Variants in STAU2 observed in about 807,000 individuals in gnomAD.
STAU2 encodes double-stranded RNA-binding protein Staufen homolog 2.
STAU2 carries 20 observed loss-of-function variants against 65.9 expected under a neutral mutation model. The ratio of observed to expected loss-of-function variants is 0.30; its 90% CI spans 0.21 to 0.44. The LOEUF (loss-of-function observed/expected upper bound fraction) is 0.44, where lower values mean the gene tolerates loss of function less well. Ranked by LOEUF, STAU2 falls within the 20% of genes least tolerant of loss-of-function variation. The probability of loss-of-function intolerance (pLI) is 1.00; values close to 1 mark genes in which losing one functional copy is unlikely to be tolerated. For synonymous variants in STAU2, 232 were observed against 233.9 expected (o/e 0.99, Z 0.07); for missense variants, 558 against 683.9 (o/e 0.82, Z 2.05).
At chr8:73,707,751 T>G (rs953096959) in intron 4 of STAU2, among the ~76,000 whole-genome samples, 3 of 151,924 alleles carry the variant, frequency 2.0e-5, no homozygotes, top group Non-Finnish European at 4.4e-5. Context: ...ACAAGCTCAG[T>G]CTAGCACAAA....
chr8:73,599,794 C>G (rs1347326706), intron 10 of STAU2, among the ~76,000 whole-genome samples: 1 of 149,822 alleles, frequency 6.7e-6, no homozygotes, highest in Non-Finnish European at 1.5e-5. Context: ...GAGACGGAGT[C>G]TCGCTCTGTC....
Position 73,485,755 on chromosome 8 carries a change from G to A in STAU2, c.1531-63053C>T, listed in dbSNP as rs146866244. Among the ~76,000 whole-genome samples, 901 of 152,100 alleles carry A rather than the reference G, an allele frequency of 5.9e-3. 6 individuals are homozygous for A. Among genetic ancestry groups the A allele is most frequent in the African/African-American group, 0.02 (831 of 41,506 alleles). On this transcript the variant is annotated intron_variant, in intron 13 of 14. Coordinates refer to ENST00000524300, the MANE Select transcript of STAU2 (RefSeq NM_001164380.2). ...AGGCTGAGGCAGGAGGACTACTTGA[G>A]AGCAGGAGTTTGAGGCTATAGTGAG...
intron 13 of STAU2, among the ~76,000 whole-genome samples, chr8:73,456,215 C>T (rs1302133156): frequency 6.6e-6 from 1 of 152,074 alleles, no homozygotes; most frequent in East Asian, 1.9e-4. Flanking sequence ...ATAAATGTGC[C>T]GCAGGAGATT....
At chr8:73,693,783 T>C (rs1238435638) in intron 4 of STAU2, among the ~76,000 whole-genome samples, 1 of 152,242 alleles carries the variant, frequency 6.6e-6, no homozygotes, top group Non-Finnish European at 1.5e-5. Flanking sequence ...TGTACAACAC[T>C]GGGAAGTTAA....
chr8:73,679,573 G>C (rs1441998958), intron 5 of STAU2, among the ~76,000 whole-genome samples: 1 of 151,966 alleles, frequency 6.6e-6, no homozygotes, highest in Non-Finnish European at 1.5e-5. Context: ...TTAGAGAGCT[G>C]AGCGAAATAT....
intron 6 of STAU2, among the ~76,000 whole-genome samples, chr8:73,639,135 G>C (rs975353900): frequency 7.9e-5 from 12 of 151,902 alleles, no homozygotes; most frequent in Non-Finnish European, 1.6e-4. Flanking sequence ...TTAAATTGTA[G>C]TATCTTGTTT....
intron 13 of STAU2, among the ~76,000 whole-genome samples, chr8:73,515,680 G>A (rs1032722843): frequency 3.3e-5 from 5 of 151,806 alleles, no homozygotes; most frequent in South Asian, 2.1e-4. Flanking sequence ...TCTAGGTGAG[G>A]ATCCCAGCAA....
intron 1 of STAU2, among the ~76,000 whole-genome samples, chr8:73,744,560 G>A (rs1039389557): frequency 6.7e-6 from 1 of 149,954 alleles, no homozygotes; most frequent in East Asian, 1.9e-4. Flanking sequence ...TTTCTGGATT[G>A]TTTGTATATT....
intron 12 of STAU2, among the ~76,000 whole-genome samples, chr8:73,556,879 A>G (rs1472144685): frequency 2.0e-5 from 3 of 152,218 alleles, no homozygotes; most frequent in African/African-American, 7.2e-5. Context: ...GTCAAGACTG[A>G]TTAAACTGTA....
At chr8:73,575,105 C>T (rs1334873411) in intron 12 of STAU2, among the ~76,000 whole-genome samples, 2 of 136,818 alleles carry the variant, frequency 1.5e-5, no homozygotes, top group African/African-American at 5.6e-5. Flanking sequence ...TAAAGGCACA[C>T]AGATGCACAC....
intron 13 of STAU2, among the ~76,000 whole-genome samples, chr8:73,506,657 T>C (rs906593048): frequency 2.0e-5 from 3 of 152,164 alleles, no homozygotes; most frequent in African/African-American, 7.2e-5. Context: ...GGGGTGGCTA[T>C]GGTTAAGTTC....
intron 12 of STAU2, among the ~76,000 whole-genome samples, chr8:73,578,021 G>T (rs879485720): frequency 6.6e-6 from 1 of 151,574 alleles, no homozygotes; most frequent in African/African-American, 2.4e-5. Context: ...TAGCATTTAC[G>T]TATATAAATC....
At chr8:73,729,242 T>A (rs1415879797) in intron 3 of STAU2, among the ~76,000 whole-genome samples, 1 of 152,206 alleles carries the variant, frequency 6.6e-6, no homozygotes, top group Non-Finnish European at 1.5e-5. Flanking sequence ...ACCCTTGCAA[T>A]CCTGGGAATA....
intron 1 of STAU2, among the ~76,000 whole-genome samples, chr8:73,744,134 C>T (rs916704283): frequency 5.3e-5 from 8 of 151,906 alleles, no homozygotes; most frequent in Admixed American, 2.0e-4. Context: ...TATAATTTTT[C>T]CTGGAACAAA....
rs1812783394 is a variant in STAU2, at chr8:73,615,691, A to G, written c.662T>C (p.Met221Thr). The G allele has an allele frequency of 2.5e-6, 4 of 1,613,728 alleles. No individual in the cohort carries two copies. The highest frequency in any genetic ancestry group is 3.4e-6 in the Non-Finnish European group (4 of 1,179,764). The change falls in exon 8 of 15, where the codon ATG (methionine) becomes ACG (threonine). Residue 221 changes from methionine (M) to threonine (T), a missense_variant. Met to Thr is a moderately conservative substitution (Grantham distance 81). Transcript: ENST00000524300. ...AGTACATACCTCAAAACTGACAGGC[A>G]TATTTCGCTTCAGAGCAATTTCAAA... ...LVFEIALKRN[M>T]PVSFEVIKES...
chr8:73,583,011 C>A (rs997128296), intron 11 of STAU2, among the ~76,000 whole-genome samples, 181 bp from the exon 12 acceptor site: 1 of 152,114 alleles, frequency 6.6e-6, no homozygotes, highest in Non-Finnish European at 1.5e-5. Flanking sequence ...ATCATTTATT[C>A]CTTTTCTGCA....
At chr8:73,564,649 G>A (rs896786693) in intron 12 of STAU2, among the ~76,000 whole-genome samples, 1 of 151,542 alleles carries the variant, frequency 6.6e-6, no homozygotes, top group Non-Finnish European at 1.5e-5. Context: ...GTGTACCCCT[G>A]AACTTAAAAA....
intron 12 of STAU2, among the ~76,000 whole-genome samples, chr8:73,554,982 A>C (rs1321195440): frequency 6.6e-6 from 1 of 152,208 alleles, no homozygotes. Flanking sequence ...ATACTCTCTT[A>C]GTTAAGCTCC....
At chr8:73,649,571 C>T (rs1586190560) in intron 6 of STAU2, among the ~76,000 whole-genome samples, 1 of 152,050 alleles carries the variant, frequency 6.6e-6, no homozygotes, top group East Asian at 1.9e-4. Context: ...TAATTCTTCT[C>T]CTAGTTCTAA....
Sources: gnomAD v4.1 joint callset for allele counts (sites outside exome capture counted in the v4.1 genomes callset) on GRCh38, gnomAD v4.1.1 for gene constraint, MANE v1.5 for transcripts, NCBI Gene and HGNC (gene_info 2026-07-23, HGNC 2026-07-21) for gene names.